Variants in FOLH1 observed in about 807,000 individuals in gnomAD.
FOLH1 encodes glutamate carboxypeptidase 2.
FOLH1 carries 54 observed loss-of-function variants against 93.9 expected under a neutral mutation model. That is an observed-to-expected ratio of 0.57 (90% CI 0.46 to 0.72). FOLH1 has a LOEUF of 0.72. Among genes scored for constraint, FOLH1 ranks in the 30% least tolerant of loss-of-function variants. FOLH1 has a pLI of 0.00. For synonymous variants in FOLH1, 249 were observed against 303.6 expected (o/e 0.82, Z 1.87); for missense variants, 571 against 892.5 (o/e 0.64, Z 4.59).
chr11:49,170,643 G>A (rs532197865), intron 11 of FOLH1, among the ~76,000 whole-genome samples: 4 of 152,228 alleles, frequency 2.6e-5, no homozygotes, highest in African/African-American at 7.2e-5. Context: ...TTTGGAAAGC[G>A]TAATAGAATC....
At chr11:49,179,232 A>G (rs1243246381) in intron 7 of FOLH1, among the ~76,000 whole-genome samples, 1 of 152,244 alleles carries the variant, frequency 6.6e-6, no homozygotes, top group African/African-American at 2.4e-5. Context: ...CATGATGACT[A>G]TTCTGGCTGG....
At chr11:49,171,128 G>A (rs1859205216) in intron 11 of FOLH1, 67 bp downstream of exon 11, 1 of 1,457,366 alleles carries the variant, frequency 6.9e-7, no homozygotes, top group African/African-American at 1.4e-5. Flanking sequence ...ATTTTTATGT[G>A]CTTGGCAAAT....
At chr11:49,176,530 A>G (rs1288855956) in intron 7 of FOLH1, among the ~76,000 whole-genome samples, 1 of 152,178 alleles carries the variant, frequency 6.6e-6, no homozygotes, top group East Asian at 1.9e-4. Flanking sequence ...CAGGTGACTG[A>G]GAAAGAAAAC....
At chr11:49,195,971 T>C (rs985215594) in intron 3 of FOLH1, among the ~76,000 whole-genome samples, 5 of 152,056 alleles carry the variant, frequency 3.3e-5, no homozygotes, top group African/African-American at 1.2e-4. Context: ...CTGGCCAACA[T>C]AGTGGAACCA....
intron 5 of FOLH1, among the ~76,000 whole-genome samples, 165 bp downstream of exon 5, chr11:49,186,479 G>A (rs937133746): frequency 2.6e-5 from 4 of 152,084 alleles, no homozygotes; most frequent in Admixed American, 2.0e-4. Flanking sequence ...ATTTAACCCC[G>A]GGATATAACC....
intron 14 of FOLH1, among the ~76,000 whole-genome samples, chr11:49,157,676 A>G (rs1028449567): frequency 4.2e-4 from 64 of 151,986 alleles, no homozygotes; most frequent in Admixed American, 2.4e-3. Flanking sequence ...CATCCCACGC[A>G]TTTCATATAA....
intron 14 of FOLH1, among the ~76,000 whole-genome samples, chr11:49,157,567 C>A (rs938419701): frequency 4.0e-5 from 6 of 151,766 alleles, no homozygotes; most frequent in Non-Finnish European, 5.9e-5. Context: ...CTAACTGAAG[C>A]ATTTCAGATT....
At chr11:49,174,739 C>T (rs1055466981) in intron 9 of FOLH1, among the ~76,000 whole-genome samples, 153 bp downstream of exon 9, 2 of 152,144 alleles carry the variant, frequency 1.3e-5, no homozygotes, top group African/African-American at 4.8e-5. Flanking sequence ...TTATTTCATA[C>T]TTATTTCCTT....
In FOLH1 at chr11:49,183,148, CT is replaced by C; in HGVS notation, c.920del (p.Met309TrpfsTer44). 1 of 1,600,554 alleles carries C rather than the reference CT, an allele frequency of 6.2e-7. No homozygotes were observed. On this transcript the variant is annotated frameshift_variant and splice_region_variant, in exon 7 of 19. Transcript: ENST00000256999. ...CCATCCATGGTTTCTTACAAACTTA[CT>C]CTAGGAGCTTCTGTGCATCATAGTA... Reference protein sequence around the residue: ...IGYYDAQKLLEKMGGSAPPDS... With the variant: ...IGYYDAQKLLXKMGGSAPPDS...
Position 49,192,882 on chromosome 11 carries a change from A to G in FOLH1, c.424T>C (p.Ser142Pro). 2 of 1,589,406 alleles carry G rather than the reference A, an allele frequency of 1.3e-6. No individual in the cohort carries two copies. Among genetic ancestry groups the G allele is most frequent in the East Asian group, 2.3e-5 (1 of 44,166 alleles). The change falls in exon 4 of 19, where the codon TCA (serine) becomes CCA (proline). Residue 142 changes from serine to proline, a missense_variant. Coordinates refer to ENST00000256999, the MANE Select transcript of FOLH1 (RefSeq NM_004476.3). Reference sequence around the variant, plus strand: ...CCTGGAGGAGGTGGTTCAAATAATGATGTGTTGAAAATCTAGAGAAACAAA... The same window carrying G: ...CCTGGAGGAGGTGGTTCAAATAATGGTGTGTTGAAAATCTAGAGAAACAAA... ...NEDGNEIFNT[S>P]LFEPPPPGYE...
chr11:49,167,865 AAAAC>A (rs1046109226), intron 12 of FOLH1, among the ~76,000 whole-genome samples: 8 of 151,000 alleles, frequency 5.3e-5, no homozygotes, highest in Non-Finnish European at 1.0e-4. Flanking sequence ...ACAGAAAAAA[AAAAC>A]AAACAAACAA....
chr11:49,150,055 A>G (rs1393820520), intron 17 of FOLH1, among the ~76,000 whole-genome samples: 1 of 152,162 alleles, frequency 6.6e-6, no homozygotes, highest in East Asian at 1.9e-4. Flanking sequence ...ACCTGAGCTC[A>G]AGCAATTCCT....
chr11:49,206,378 G>C lies in FOLH1; in HGVS notation c.119-206C>G, dbSNP rs1370605818. 6.6e-6 allele frequency: 6 copies of C among 904,738 alleles called. No individual in the cohort carries two copies. In the South Asian group the frequency reaches 7.1e-5, roughly 11 times the overall value. The allele number at this position is 904,738 out of a possible 1,614,324, so 56.0% of individuals were successfully genotyped here. ...CAGATTTTTAAGTTGCAAACCAATTGCAAAATATTTCTTATCCAACTTCAA... is the reference window on the plus strand; with the variant it reads ...CAGATTTTTAAGTTGCAAACCAATTCCAAAATATTTCTTATCCAACTTCAA... On this transcript the variant is annotated intron_variant, in intron 1 of 18. Coordinates refer to ENST00000256999, the MANE Select transcript of FOLH1 (RefSeq NM_004476.3).
rs185473182 is a variant in FOLH1 at position 49,154,608 on chromosome 11, T to G, written c.1624-116A>C. On this transcript the variant is annotated intron_variant, in intron 15 of 18. Coordinates refer to ENST00000256999, the MANE Select transcript of FOLH1 (RefSeq NM_004476.3). Reference sequence around the variant, plus strand: ...TCAGTGATGGATCAAGGAAAGTACTTAAGCATCTCAATAAGCTACATCCTA... The same window carrying G: ...TCAGTGATGGATCAAGGAAAGTACTGAAGCATCTCAATAAGCTACATCCTA... 6.1e-4 allele frequency: 899 copies of G among 1,483,254 alleles called. 4 individuals carry two copies. The highest frequency in any genetic ancestry group is 3.8e-4 in the Non-Finnish European group (424 of 1,114,668). 91.9% of individuals were successfully genotyped at this position (1,483,254 alleles called of 1,614,324 possible). A position where few individuals can be genotyped will look rare whatever the true frequency, so the allele number is the denominator to read the frequency against.
chr11:49,186,588 C>A, intron 5 of FOLH1, 56 bp downstream of exon 5: 1 of 1,542,902 alleles, frequency 6.5e-7, no homozygotes, highest in South Asian at 1.3e-5. Flanking sequence ...ACATGTAAAA[C>A]CCACTATAAC....
chr11:49,175,855 T>C lies in FOLH1; in HGVS notation c.1019+4A>G, dbSNP rs1321958105. On this transcript the variant is annotated splice_donor_region_variant and intron_variant, in intron 8 of 18. Transcript: ENST00000256999. ...AAGAGTTAAAATTAAAATAGTCTCT[T>C]AACTGTGTAGAAAAGTTTCCAGTAA... is the stretch of plus-strand genomic sequence containing the variant. The C allele has an allele frequency of 7.4e-6, 12 of 1,612,296 alleles. No individual in the cohort carries two copies. The highest frequency in any genetic ancestry group is 1.0e-5 in the Non-Finnish European group (12 of 1,179,008).
intron 4 of FOLH1, among the ~76,000 whole-genome samples, chr11:49,187,605 T>C (rs1357570375): frequency 2.0e-5 from 3 of 151,510 alleles, no homozygotes; most frequent in Non-Finnish European, 4.4e-5. Context: ...TTGTCATCTC[T>C]TTTTTTTTCT....
rs550734791 is a variant in FOLH1, at chr11:49,176,632, G to T, written c.921-675C>A. Among the ~76,000 whole-genome samples, 4 of 152,020 alleles carry T rather than the reference G, an allele frequency of 2.6e-5. No homozygotes were observed. The East Asian group carries it at 5.8e-4, about 22-fold the overall frequency. On this transcript the variant is annotated intron_variant, in intron 7 of 18. Transcript: ENST00000256999. ...TAAGATGATGGATTAACTTATTCTTGATATGGGCATGTAAAACAATATACT... is the reference window on the plus strand; with the variant it reads ...TAAGATGATGGATTAACTTATTCTTTATATGGGCATGTAAAACAATATACT...
In FOLH1 at chr11:49,208,557, C is replaced by A. The variant is rs1864238869; in HGVS notation, c.-148G>T. On this transcript the variant is annotated 5_prime_UTR_variant, in exon 1 of 19. Transcript: ENST00000256999. Reference sequence around the variant, plus strand: ...CCTGCAGGCTGGAATTCGCTCCAGACCTGGGGTCCAGTTTCTCCACCACAG... The same window carrying A: ...CCTGCAGGCTGGAATTCGCTCCAGAACTGGGGTCCAGTTTCTCCACCACAG... The A allele has an allele frequency of 1.8e-6, 1 of 551,872 alleles. No individual in the cohort carries two copies. The highest frequency in any genetic ancestry group is 2.8e-5 in the South Asian group (1 of 35,952). 34.2% of individuals were successfully genotyped at this position (551,872 alleles called of 1,614,324 possible).
Sources: gnomAD v4.1 joint callset for allele counts (sites outside exome capture counted in the v4.1 genomes callset) on GRCh38, gnomAD v4.1.1 for gene constraint, MANE v1.5 for transcripts, NCBI Gene and HGNC (gene_info 2026-07-23, HGNC 2026-07-21) for gene names.